Variants in ARMH3 observed in about 807,000 individuals in gnomAD.
ARMH3 encodes armadillo-like helical domain-containing protein 3.
Under a neutral mutation model 99.1 loss-of-function variants are expected in ARMH3, and 60 were observed. That is an observed-to-expected ratio of 0.61 (90% CI 0.49 to 0.75). The LOEUF is 0.75. Ranked by LOEUF, ARMH3 falls within the 30% of genes least tolerant of loss-of-function variation. The pLI is 0.00. For synonymous variants in ARMH3, 285 were observed against 292.8 expected (o/e 0.97, Z 0.27); for missense variants, 679 against 843.1 (o/e 0.81, Z 2.41).
intron 22 of ARMH3, among the ~76,000 whole-genome samples, chr10:101,954,966 C>A (rs1844962450): frequency 6.6e-6 from 1 of 152,078 alleles, no homozygotes; most frequent in Admixed American, 6.6e-5. Context: ...AATATCTCCC[C>A]CACTCCAACT....
At chr10:101,956,495 G>A (rs1845043442) in intron 22 of ARMH3, 102 bp downstream of exon 22, 2 of 1,437,300 alleles carry the variant, frequency 1.4e-6, no homozygotes, top group African/African-American at 1.4e-5. Flanking sequence ...TGCCACACAG[G>A]GCACCAAACA....
At chr10:102,043,928 G>GT (rs1294800239) in intron 1 of ARMH3, among the ~76,000 whole-genome samples, 2 of 151,716 alleles carry the variant, frequency 1.3e-5, no homozygotes, top group South Asian at 2.1e-4. Context: ...ACTTTTTTTT[G>GT]TTTTTTGAGA....
chr10:101,978,852 A>G (rs977102330), intron 19 of ARMH3, among the ~76,000 whole-genome samples: 1 of 152,110 alleles, frequency 6.6e-6, no homozygotes, highest in Non-Finnish European at 1.5e-5. Context: ...GAGGCAGAGA[A>G]TTGCTTGAAC....
At chr10:101,967,723 C>A (rs960458930) in intron 20 of ARMH3, among the ~76,000 whole-genome samples, 1 of 152,088 alleles carries the variant, frequency 6.6e-6, no homozygotes, top group African/African-American at 2.4e-5. Context: ...GGCTACAGAG[C>A]AAGACTCAGT....
chr10:101,887,066 G>C (rs2067566406), intron 24 of ARMH3, among the ~76,000 whole-genome samples: 1 of 152,190 alleles, frequency 6.6e-6, no homozygotes, highest in Non-Finnish European at 1.5e-5. Context: ...AGTGAAGGGA[G>C]AGAAGTGCTC....
chr10:101,979,619 C>G (rs1846145827), intron 19 of ARMH3, among the ~76,000 whole-genome samples: 1 of 152,056 alleles, frequency 6.6e-6, no homozygotes. Context: ...TTTAAAAACA[C>G]TAAATTGTAT....
At chr10:101,961,985 A>G (rs966071895) in intron 20 of ARMH3, among the ~76,000 whole-genome samples, 14 of 152,228 alleles carry the variant, frequency 9.2e-5, no homozygotes, top group African/African-American at 3.1e-4. Flanking sequence ...TTGTTAAATA[A>G]TAGTTTCTAA....
intron 23 of ARMH3, among the ~76,000 whole-genome samples, chr10:101,921,509 T>C (rs1843303939): frequency 2.0e-5 from 3 of 152,292 alleles, no homozygotes; most frequent in Admixed American, 2.0e-4. Context: ...AATAAATCAG[T>C]ATATCAAAGA....
chr10:101,972,025 T>C (rs1279878500), intron 20 of ARMH3, among the ~76,000 whole-genome samples: 2 of 152,204 alleles, frequency 1.3e-5, no homozygotes, highest in Non-Finnish European at 2.9e-5. Context: ...TTTTCATACA[T>C]ACTCAGATAT....
At chr10:102,055,679 AGATT>A (rs2067828806) in intron 1 of ARMH3, among the ~76,000 whole-genome samples, 1 of 152,170 alleles carries the variant, frequency 6.6e-6, no homozygotes, top group Non-Finnish European at 1.5e-5. Flanking sequence ...TCTATCCCTG[AGATT>A]CTCAGAGGTG....
chr10:102,038,698 T>G (rs2067336065), intron 2 of ARMH3, among the ~76,000 whole-genome samples: 1 of 152,114 alleles, frequency 6.6e-6, no homozygotes, highest in African/African-American at 2.4e-5. Context: ...GTGATACATT[T>G]AGAATGCTCC....
intron 20 of ARMH3, among the ~76,000 whole-genome samples, chr10:101,969,330 A>C (rs1845671121): frequency 6.6e-6 from 1 of 152,244 alleles, no homozygotes; most frequent in South Asian, 2.1e-4. Context: ...AACTAAAAGA[A>C]GCACACAATG....
intron 23 of ARMH3, among the ~76,000 whole-genome samples, chr10:101,925,902 C>T (rs1843491056): frequency 6.6e-6 from 1 of 152,232 alleles, no homozygotes; most frequent in African/African-American, 2.4e-5. Flanking sequence ...CAGAGCAAGA[C>T]TCCCTCTCAA....
intron 20 of ARMH3, among the ~76,000 whole-genome samples, chr10:101,961,094 C>A (rs990427713): frequency 1.3e-5 from 2 of 152,106 alleles, no homozygotes; most frequent in African/African-American, 4.8e-5. Flanking sequence ...CCCATTTTCC[C>A]TTGGTCCTCA....
intron 19 of ARMH3, among the ~76,000 whole-genome samples, chr10:101,976,944 T>C (rs1024773355): frequency 6.6e-6 from 1 of 152,190 alleles, no homozygotes; most frequent in Non-Finnish European, 1.5e-5. Context: ...CGAGCCACCA[T>C]GCTCAGCCAG....
chr10:101,990,430 C>A, intron 19 of ARMH3, 121 bp downstream of exon 19: 1 of 665,508 alleles, frequency 1.5e-6, no homozygotes. Flanking sequence ...CTCGGCCTCC[C>A]AAGGTGCTGG....
intron 19 of ARMH3, among the ~76,000 whole-genome samples, chr10:101,985,798 C>G (rs1193376539): frequency 6.6e-6 from 1 of 152,032 alleles, no homozygotes; most frequent in East Asian, 1.9e-4. Flanking sequence ...GGATGGGTCA[C>G]CGGAGGTCAG....
intron 23 of ARMH3, among the ~76,000 whole-genome samples, chr10:101,904,791 A>G (rs1282775538): frequency 1.3e-5 from 2 of 151,950 alleles, no homozygotes; most frequent in East Asian, 3.9e-4. Context: ...GTCTCTACTA[A>G]AAATACAAAA....
chr10:102,029,505 T>G, intron 5 of ARMH3, 133 bp downstream of exon 5: 1 of 1,576,786 alleles, frequency 6.3e-7, no homozygotes, highest in East Asian at 2.3e-5. Context: ...TAAAAACATC[T>G]AAATGCAAGG....
Sources: allele counts gnomAD v4.1 joint callset (sites outside exome capture counted in the v4.1 genomes callset), GRCh38; gene constraint gnomAD v4.1.1; transcripts MANE v1.5; gene names NCBI Gene and HGNC (gene_info 2026-07-23, HGNC 2026-07-21).